IQCM: variants seen among roughly 807,000 people sequenced by gnomAD.
IQCM encodes the protein IQ domain-containing protein M.
Under a neutral mutation model 57.6 loss-of-function variants are expected in IQCM, and 45 were observed. That is an observed-to-expected ratio of 0.78 (90% CI 0.62 to 1.00). The LOEUF is 1.00. Among genes scored for constraint, IQCM ranks in the 50% least tolerant of loss-of-function variants. The pLI is 0.00. For synonymous variants in IQCM, 148 were observed against 158.9 expected, an observed-to-expected ratio of 0.93 and a Z score of 0.51; for missense variants, 468 against 511.6, an observed-to-expected ratio of 0.91 and a Z score of 0.82.
chr4:149,721,754 G>A (rs1410664957), intron 5 of IQCM, among the ~76,000 whole-genome samples: 2 of 152,056 alleles, frequency 1.3e-5, no homozygotes, highest in South Asian at 2.1e-4. Flanking sequence ...TGATAAACAC[G>A]TGCATGTAGG....
chr4:149,390,044 G>A (rs940194122), intron 13 of IQCM, among the ~76,000 whole-genome samples: 2 of 151,892 alleles, frequency 1.3e-5, no homozygotes, highest in African/African-American at 4.8e-5. Context: ...TGAATCTGTA[G>A]ATCAGGTTGG....
intron 13 of IQCM, among the ~76,000 whole-genome samples, chr4:149,363,581 A>T (rs905303116): frequency 6.6e-6 from 1 of 152,094 alleles, no homozygotes; most frequent in Non-Finnish European, 1.5e-5. Flanking sequence ...TCCAACCCTC[A>T]CTGCTCCTAG....
intron 2 of IQCM, among the ~76,000 whole-genome samples, chr4:149,789,116 G>A (rs1772340927): frequency 6.6e-6 from 1 of 152,114 alleles, no homozygotes; most frequent in Non-Finnish European, 1.5e-5. Flanking sequence ...TAACAACAAT[G>A]TATGGTATAT....
intron 5 of IQCM, among the ~76,000 whole-genome samples, chr4:149,722,724 A>G (rs1765555432): frequency 6.6e-6 from 1 of 152,116 alleles, no homozygotes; most frequent in African/African-American, 2.4e-5. Context: ...GGGTAATGTG[A>G]TATCTCCAGA....
rs1766629343 is a variant in IQCM at position 149,733,263 on chromosome 4, G to A, written c.366C>T (p.Pro122=). 1 of 1,231,526 alleles carries A rather than the reference G, an allele frequency of 8.1e-7. No individual in the cohort carries two copies. The highest frequency in any genetic ancestry group is 1.0e-6 in the Non-Finnish European group (1 of 987,656). The allele number at this position is 1,231,526 out of a possible 1,614,324, so 76.3% of individuals were successfully genotyped here. Residue 122 remains proline (P), a synonymous_variant, in exon 5 of 14, where the codon CCC becomes CCT. Transcript: ENST00000636793. ...ACTTACCTTTTGTAATTAGATCTAT[G>A]GGCCTGCATCTTTCTCTTCTACTAA... ...HIFSRRERCR[P]IDLITKGQVK...
chr4:149,739,188 G>T (rs1301910542), intron 3 of IQCM, among the ~76,000 whole-genome samples: 1 of 152,034 alleles, frequency 6.6e-6, no homozygotes, highest in Non-Finnish European at 1.5e-5. Context: ...TATATAGAAT[G>T]ATTTTTAAGA....
chr4:149,787,313 T>G (rs1772165003), intron 2 of IQCM, among the ~76,000 whole-genome samples: 1 of 149,894 alleles, frequency 6.7e-6, no homozygotes, highest in African/African-American at 2.4e-5. Context: ...AATACAGGAA[T>G]AAATAAAATA....
At chr4:149,584,723 A>T (rs1209410413) in intron 9 of IQCM, among the ~76,000 whole-genome samples, 7 of 151,814 alleles carry the variant, frequency 4.6e-5, no homozygotes, top group Non-Finnish European at 1.0e-4. Context: ...AAATGTTTAC[A>T]GTTGAAGAAA....
At chr4:149,591,113 T>TC (rs1753119135) in intron 8 of IQCM, among the ~76,000 whole-genome samples, 2 of 152,068 alleles carry the variant, frequency 1.3e-5, no homozygotes, top group Admixed American at 1.3e-4. Flanking sequence ...ATACTCCTTT[T>TC]CCCCACATAT....
intron 7 of IQCM, among the ~76,000 whole-genome samples, chr4:149,641,586 A>G (rs1390746007): frequency 6.6e-6 from 1 of 152,150 alleles, no homozygotes; most frequent in Non-Finnish European, 1.5e-5. Flanking sequence ...AAACACAATA[A>G]AAGAAAAATG....
intron 12 of IQCM, among the ~76,000 whole-genome samples, chr4:149,535,344 T>C (rs1186142060): frequency 6.6e-6 from 1 of 152,106 alleles, no homozygotes; most frequent in East Asian, 1.9e-4. Flanking sequence ...ATATTCATGT[T>C]CCTTTCATGT....
chr4:149,705,789 G>T (rs1421459426), intron 5 of IQCM, among the ~76,000 whole-genome samples: 1 of 151,726 alleles, frequency 6.6e-6, no homozygotes, highest in African/African-American at 2.4e-5. Context: ...GAGAGTTAAG[G>T]CTTTCAGTCA....
chr4:149,698,122 A>G (rs1763476466), intron 5 of IQCM, among the ~76,000 whole-genome samples: 1 of 151,584 alleles, frequency 6.6e-6, no homozygotes, highest in South Asian at 2.1e-4. Context: ...TTTTTTTCCT[A>G]CTCTACCTTC....
At chr4:149,461,059 A>AT (rs1389119280) in intron 12 of IQCM, among the ~76,000 whole-genome samples, 1 of 152,028 alleles carries the variant, frequency 6.6e-6, no homozygotes, top group Non-Finnish European at 1.5e-5. Context: ...ACATGGAGAA[A>AT]CCCAGTCTCT....
intron 5 of IQCM, among the ~76,000 whole-genome samples, chr4:149,720,176 C>T (rs1240320940): frequency 1.3e-5 from 2 of 152,166 alleles, no homozygotes; most frequent in South Asian, 4.1e-4. Context: ...AATCAGAAAA[C>T]CTCTGCAAGT....
intron 13 of IQCM, among the ~76,000 whole-genome samples, chr4:149,404,006 A>T (rs1366312865): frequency 6.6e-6 from 1 of 152,032 alleles, no homozygotes; most frequent in East Asian, 1.9e-4. Flanking sequence ...TTAATTATCA[A>T]GTATTAGCAA....
chr4:149,798,842 A>G (rs1376835443), intron 2 of IQCM, among the ~76,000 whole-genome samples: 1 of 151,982 alleles, frequency 6.6e-6, no homozygotes, highest in Non-Finnish European at 1.5e-5. Context: ...AGCAAATATT[A>G]TTGGAGCTGG....
intron 12 of IQCM, among the ~76,000 whole-genome samples, chr4:149,498,908 G>A (rs1188680734): frequency 1.3e-5 from 2 of 152,116 alleles, no homozygotes; most frequent in African/African-American, 2.4e-5. Context: ...TGGAATAAAT[G>A]TATAAAAAAG....
chr4:149,705,501 C>T (rs898302630), intron 5 of IQCM, among the ~76,000 whole-genome samples: 1 of 151,738 alleles, frequency 6.6e-6, no homozygotes, highest in African/African-American at 2.4e-5. Flanking sequence ...CTCTCCATTA[C>T]AGCACGACTT....
Sources: allele counts gnomAD v4.1 joint callset (sites outside exome capture counted in the v4.1 genomes callset), GRCh38; gene constraint gnomAD v4.1.1; transcripts MANE v1.5; gene names NCBI Gene and HGNC (gene_info 2026-07-23, HGNC 2026-07-21).